Variants in GALNTL6 observed in about 807,000 individuals in gnomAD.
GALNTL6 encodes the protein polypeptide N-acetylgalactosaminyltransferase-like 6.
A neutral mutation model predicts 73.7 loss-of-function variants in GALNTL6; 46 were observed. That is an observed-to-expected ratio of 0.62 (90% confidence interval 0.49 to 0.80). The LOEUF (loss-of-function observed/expected upper bound fraction) is 0.80. Among genes scored for constraint, GALNTL6 ranks in the 30% least tolerant of loss-of-function variants. The pLI, the probability that GALNTL6 is intolerant of heterozygous loss-of-function variation, is 0.00. For missense variants in GALNTL6, 604 were observed against 755.0 expected (o/e 0.80, Z 2.34); for synonymous variants, 259 against 263.7 (o/e 0.98, Z 0.17).
chr4:172,183,442 T>G (rs997000847), intron 2 of GALNTL6, among the ~76,000 whole-genome samples: 20 of 152,228 alleles, frequency 1.3e-4, no homozygotes, highest in Non-Finnish European at 1.5e-4. Flanking sequence ...CAAACTGGCT[T>G]GAATAATATG....
intron 5 of GALNTL6, among the ~76,000 whole-genome samples, chr4:172,533,401 T>C (rs1336605954): frequency 1.4e-5 from 2 of 139,678 alleles, no homozygotes; most frequent in Admixed American, 1.5e-4. Context: ...CTTGGCTTAC[T>C]GCAACCTCCG....
In GALNTL6 at chr4:172,265,492, C is replaced by T. The variant is rs190824761; in HGVS notation, c.247+35728C>T. Among the ~76,000 whole-genome samples, 184 of 152,134 alleles carry T rather than the reference C, an allele frequency of 1.2e-3. 1 individual carries two copies. The highest frequency in any genetic ancestry group is 4.3e-4 in the Non-Finnish European group (29 of 67,984). On this transcript the variant is annotated intron_variant, in intron 3 of 12. Coordinates refer to ENST00000506823, the MANE Select transcript of GALNTL6 (RefSeq NM_001034845.3). ...CAAAATATTAAAGATTCATCATGTACAAAATATTGAGTACAGTTTGCAGGT... is the reference window on the plus strand; with the variant it reads ...CAAAATATTAAAGATTCATCATGTATAAAATATTGAGTACAGTTTGCAGGT...
chr4:172,417,586 T>A (rs1730890938), intron 5 of GALNTL6, among the ~76,000 whole-genome samples: 1 of 152,016 alleles, frequency 6.6e-6, no homozygotes, highest in South Asian at 2.1e-4. Context: ...GAGACAGAGG[T>A]TGCAGTGAGC....
chr4:172,025,147 A>T (rs1480684376), intron 2 of GALNTL6, among the ~76,000 whole-genome samples: 1 of 152,020 alleles, frequency 6.6e-6, no homozygotes, highest in Non-Finnish European at 1.5e-5. Context: ...CTGTAAAGGA[A>T]ATAATGTTTC....
intron 9 of GALNTL6, among the ~76,000 whole-genome samples, chr4:172,940,712 T>C (rs1453493527): frequency 1.3e-5 from 2 of 151,912 alleles, no homozygotes; most frequent in African/African-American, 2.4e-5. Flanking sequence ...CTCACTCTAT[T>C]GCCCAGGCTG....
chr4:172,837,449 G>T (rs1742968530), intron 7 of GALNTL6, among the ~76,000 whole-genome samples: 1 of 151,728 alleles, frequency 6.6e-6, no homozygotes, highest in South Asian at 2.1e-4. Context: ...ATGAAAGAAG[G>T]TAAAAAACAG....
At chr4:172,184,013 G>A (rs1049604693) in intron 2 of GALNTL6, among the ~76,000 whole-genome samples, 1 of 152,038 alleles carries the variant, frequency 6.6e-6, no homozygotes, top group African/African-American at 2.4e-5. Flanking sequence ...GGATGGTCTC[G>A]ATCTCCTGAC....
chr4:172,146,397 A>T (rs1334539299), intron 2 of GALNTL6, among the ~76,000 whole-genome samples: 2 of 152,220 alleles, frequency 1.3e-5, no homozygotes, highest in East Asian at 1.9e-4. Context: ...AAAACAAAAA[A>T]ATCACCTGTA....
intron 2 of GALNTL6, among the ~76,000 whole-genome samples, chr4:171,979,506 G>A (rs1739827213): frequency 1.3e-5 from 2 of 152,198 alleles, no homozygotes; most frequent in Non-Finnish European, 2.9e-5. Flanking sequence ...TCAGGGAAAA[G>A]AAGTTTCAGG....
chr4:172,259,254 C>G (rs1195912520), intron 3 of GALNTL6, among the ~76,000 whole-genome samples: 1 of 151,356 alleles, frequency 6.6e-6, no homozygotes, highest in Non-Finnish European at 1.5e-5. Context: ...TTCACCACAT[C>G]CATGCCAATA....
At chr4:172,029,475 AT>A (rs1475745608) in intron 2 of GALNTL6, among the ~76,000 whole-genome samples, 1 of 152,094 alleles carries the variant, frequency 6.6e-6, no homozygotes, top group Non-Finnish European at 1.5e-5. Flanking sequence ...CAAGCTACAA[AT>A]TCCCTCACAA....
chr4:172,115,936 CTAAA>C (rs965027646), intron 2 of GALNTL6, among the ~76,000 whole-genome samples: 2 of 151,770 alleles, frequency 1.3e-5, no homozygotes, highest in Non-Finnish European at 2.9e-5. Context: ...AGATAAGCCT[CTAAA>C]TATTTAGCTC....
intron 2 of GALNTL6, among the ~76,000 whole-genome samples, chr4:172,067,371 C>G (rs1398886024): frequency 6.6e-6 from 1 of 151,944 alleles, no homozygotes; most frequent in African/African-American, 2.4e-5. Flanking sequence ...TGTTTCTTTC[C>G]TATCTCTGTA....
At chr4:172,628,383 C>G (rs1288406423) in intron 5 of GALNTL6, among the ~76,000 whole-genome samples, 1 of 152,032 alleles carries the variant, frequency 6.6e-6, no homozygotes, top group Non-Finnish European at 1.5e-5. Context: ...CTACTGATGT[C>G]TCTTTTTTCA....
intron 5 of GALNTL6, among the ~76,000 whole-genome samples, chr4:172,492,191 G>C (rs1733921615): frequency 6.6e-6 from 1 of 152,020 alleles, no homozygotes; most frequent in African/African-American, 2.4e-5. Context: ...CTTTTATGTA[G>C]ATCCCCAAAA....
At chr4:171,954,481 A>G (rs1265791790) in intron 2 of GALNTL6, among the ~76,000 whole-genome samples, 1 of 152,238 alleles carries the variant, frequency 6.6e-6, no homozygotes, top group African/African-American at 2.4e-5. Context: ...ACTGCAAATT[A>G]CGTAAGAATA....
At chr4:171,902,740 C>T (rs1483845365) in intron 2 of GALNTL6, among the ~76,000 whole-genome samples, 1 of 151,986 alleles carries the variant, frequency 6.6e-6, no homozygotes, top group Non-Finnish European at 1.5e-5. Context: ...TATTCACTAA[C>T]ATTGAAAAAG....
chr4:172,470,035 G>A (rs376183021), intron 5 of GALNTL6, among the ~76,000 whole-genome samples: 20 of 152,322 alleles, frequency 1.3e-4, no homozygotes, highest in East Asian at 9.7e-4. Flanking sequence ...ATGAGGACAA[G>A]TGAGACTGCC....
At chr4:172,527,930 A>G (rs1735018163) in intron 5 of GALNTL6, among the ~76,000 whole-genome samples, 9 of 152,136 alleles carry the variant, frequency 5.9e-5, no homozygotes, top group Admixed American at 5.9e-4. Flanking sequence ...ATAGATTTCT[A>G]GTTACTTTAA....
Sources: gnomAD v4.1 joint callset for allele counts (sites outside exome capture counted in the v4.1 genomes callset) on GRCh38, gnomAD v4.1.1 for gene constraint, MANE v1.5 for transcripts, NCBI Gene and HGNC (gene_info 2026-07-23, HGNC 2026-07-21) for gene names.